The following FAM110B variants were observed in gnomAD, a reference collection of about 807,000 sequenced individuals.
The protein encoded by FAM110B is family with sequence similarity 110 member B.
FAM110B carries 6 observed loss-of-function variants against 20.4 expected under a neutral mutation model. That is an observed-to-expected ratio of 0.29 (90% CI 0.16 to 0.58). FAM110B has a LOEUF of 0.58. Ranked by LOEUF, FAM110B falls within the 20% of genes least tolerant of loss-of-function variation. The pLI is 0.90. For missense variants in FAM110B, 434 were observed against 498.2 expected, an observed-to-expected ratio of 0.87 and a Z score of 1.23; for synonymous variants, 226 against 214.1, an observed-to-expected ratio of 1.06 and a Z score of -0.49.
chr8:58,147,346 C>A lies in FAM110B; in HGVS notation c.*3C>A. The A allele has an allele frequency of 6.2e-7, 1 of 1,610,334 alleles. No individual in the cohort carries two copies. Among genetic ancestry groups the A allele is most frequent in the Non-Finnish European group, 8.5e-7 (1 of 1,177,732 alleles). ...CACAGAAGGTCTCCCATGTGTAAGA[C>A]AGTGCGTGGAAAGGAGGGAGCGTGG... On this transcript the variant is annotated 3_prime_UTR_variant, in exon 4 of 4. Transcript: ENST00000519262.
intron 1 of FAM110B, among the ~76,000 whole-genome samples, chr8:57,998,738 G>A (rs1465043174): frequency 6.6e-6 from 1 of 152,178 alleles, no homozygotes; most frequent in Non-Finnish European, 1.5e-5. Flanking sequence ...AGGAAACTTA[G>A]TTTTTCATTC....
At chr8:58,145,307 G>GT (rs1258989487) in intron 3 of FAM110B, among the ~76,000 whole-genome samples, 1 of 148,902 alleles carries the variant, frequency 6.7e-6, no homozygotes, top group African/African-American at 2.5e-5. Flanking sequence ...TAACTGAAAC[G>GT]TGTTGAGGTT....
At chr8:58,003,833 A>G (rs1278398566) in intron 1 of FAM110B, among the ~76,000 whole-genome samples, 1 of 152,214 alleles carries the variant, frequency 6.6e-6, no homozygotes, top group Non-Finnish European at 1.5e-5. Flanking sequence ...GCCCTGGGAC[A>G]TTCAGAATGG....
chr8:58,034,083 C>T (rs1020204594), intron 2 of FAM110B, among the ~76,000 whole-genome samples: 5 of 152,146 alleles, frequency 3.3e-5, no homozygotes, highest in African/African-American at 1.2e-4. Flanking sequence ...GCCTGAGTAA[C>T]AAAATCAGTA....
chr8:58,105,556 A>ATTTTTTTTT lies in FAM110B; in HGVS notation c.-325+29955_-325+29963dup, dbSNP rs71557704. 6.1e-4 allele frequency among the ~76,000 whole-genome samples: 58 copies of ATTTTTTTTT among 94,634 alleles called. 5 individuals carry two copies. Among genetic ancestry groups the ATTTTTTTTT allele is most frequent in the Non-Finnish European group, 9.3e-4 (47 of 50,628 alleles). 62.1% of individuals were successfully genotyped at this position (94,634 alleles called of 152,430 possible). The stretch of plus-strand genomic sequence containing the variant: ...TGAAAATGAATGAATGAATGAATGA[A>ATTTTTTTTT]TTTTTTTTTTTTTTTTTTTTTTTTT... On this transcript the variant is annotated intron_variant, in intron 3 of 3. Coordinates refer to ENST00000519262, the MANE Select transcript of FAM110B (RefSeq NM_001377989.1).
intron 1 of FAM110B, among the ~76,000 whole-genome samples, chr8:58,024,764 A>G (rs1804820932): frequency 6.6e-6 from 1 of 152,192 alleles, no homozygotes. Flanking sequence ...TTACCTTTTT[A>G]CAGACCAGGA....
chr8:58,001,527 T>A (rs1187101952), intron 1 of FAM110B, among the ~76,000 whole-genome samples: 1 of 152,188 alleles, frequency 6.6e-6, no homozygotes, highest in Admixed American at 6.5e-5. Context: ...TTCTTACAGG[T>A]ATTTTTCATT....
At chr8:58,047,227 C>G (rs532683818) in intron 2 of FAM110B, among the ~76,000 whole-genome samples, 1 of 152,248 alleles carries the variant, frequency 6.6e-6, no homozygotes, top group East Asian at 1.9e-4. Flanking sequence ...GAAGCGGTGA[C>G]TGAGCATTCT....
intron 3 of FAM110B, among the ~76,000 whole-genome samples, chr8:58,122,230 C>T (rs1807380324): frequency 6.6e-6 from 1 of 152,084 alleles, no homozygotes; most frequent in Non-Finnish European, 1.5e-5. Context: ...CCAGATTTTT[C>T]TCTAGAAGCT....
chr8:58,028,749 G>A (rs1293974673), intron 1 of FAM110B, among the ~76,000 whole-genome samples: 2 of 152,150 alleles, frequency 1.3e-5, no homozygotes, highest in East Asian at 3.9e-4. Context: ...GCTTTTTTGG[G>A]CATGCGTAGA....
intron 3 of FAM110B, among the ~76,000 whole-genome samples, chr8:58,081,709 T>A (rs73682133): frequency 0.028 from 4,275 of 152,212 alleles, 89 homozygotes; most frequent in South Asian, 0.083. Context: ...TTGCCCGAAA[T>A]CCCCTATCCA....
At chr8:58,022,171 T>A (rs932908679) in intron 1 of FAM110B, among the ~76,000 whole-genome samples, 8 of 152,228 alleles carry the variant, frequency 5.3e-5, no homozygotes, top group African/African-American at 1.9e-4. Context: ...AAGACCGAAC[T>A]CTGTGCTTCT....
intron 2 of FAM110B, among the ~76,000 whole-genome samples, chr8:58,053,714 G>T (rs973679016): frequency 2.0e-5 from 3 of 152,078 alleles, no homozygotes; most frequent in Non-Finnish European, 4.4e-5. Flanking sequence ...TTATCTCAAT[G>T]ATTTTTATGT....
intron 3 of FAM110B, among the ~76,000 whole-genome samples, chr8:58,090,341 A>G (rs1030327025): frequency 6.6e-6 from 1 of 152,144 alleles, no homozygotes; most frequent in Non-Finnish European, 1.5e-5. Flanking sequence ...TTGTGTTTCT[A>G]GTAGTGACAG....
intron 1 of FAM110B, among the ~76,000 whole-genome samples, chr8:58,015,187 C>A (rs1804613619): frequency 6.6e-6 from 1 of 152,018 alleles, no homozygotes; most frequent in South Asian, 2.1e-4. Flanking sequence ...GAAACCCTGT[C>A]TCTACTAAAA....
intron 1 of FAM110B, among the ~76,000 whole-genome samples, chr8:58,021,402 T>G (rs1804750508): frequency 6.6e-6 from 1 of 152,174 alleles, no homozygotes; most frequent in South Asian, 2.1e-4. Flanking sequence ...GGACTTGCCC[T>G]GAGACACTCT....
chr8:58,022,899 G>A (rs1434538708), intron 1 of FAM110B, among the ~76,000 whole-genome samples: 1 of 152,180 alleles, frequency 6.6e-6, no homozygotes, highest in Admixed American at 6.5e-5. Flanking sequence ...AAAACAGTGT[G>A]GGAAAGCCCT....
At chr8:58,072,406 T>C (rs1328421456) in intron 2 of FAM110B, among the ~76,000 whole-genome samples, 1 of 152,220 alleles carries the variant, frequency 6.6e-6, no homozygotes, top group African/African-American at 2.4e-5. Context: ...TACTGTGTAA[T>C]GCAACGGTAT....
In FAM110B at chr8:58,078,368, T is replaced by A. The variant is rs867179428; in HGVS notation, c.-325+2745T>A. ...GTAGTGTATATATGTAAGTCATTTT[T>A]AAAGGAATACACAAACACCAATTTC... is the stretch of plus-strand genomic sequence containing the variant. On this transcript the variant is annotated intron_variant, in intron 3 of 3. Coordinates refer to ENST00000519262, the MANE Select transcript of FAM110B (RefSeq NM_001377989.1). Among the ~76,000 whole-genome samples, 53 of 152,352 alleles carry A rather than the reference T, an allele frequency of 3.5e-4. 1 individual carries two copies. The highest frequency in any genetic ancestry group is 1.1e-3 in the African/African-American group (47 of 41,584).
Sources: allele counts gnomAD v4.1 joint callset (sites outside exome capture counted in the v4.1 genomes callset), GRCh38; gene constraint gnomAD v4.1.1; transcripts MANE v1.5; gene names NCBI Gene and HGNC (gene_info 2026-07-23, HGNC 2026-07-21).